Variants in SYN3 observed in about 807,000 individuals in gnomAD.
SYN3 encodes the protein synapsin III, also known as synapsin-3.
SYN3 carries 35 observed loss-of-function variants against 65.8 expected under a neutral mutation model. The observed-to-expected ratio is 0.53, with a 90% CI of 0.41 to 0.70. The LOEUF is 0.70. Ranked by LOEUF, SYN3 falls within the 30% of genes least tolerant of loss-of-function variation. SYN3 has a pLI of 0.00. For synonymous variants in SYN3, 270 were observed against 292.9 expected, an observed-to-expected ratio of 0.92 and a Z score of 0.80; for missense variants, 680 against 749.0, an observed-to-expected ratio of 0.91 and a Z score of 1.08.
At chr22:32,629,144 C>T (rs1450987412) in intron 6 of SYN3, among the ~76,000 whole-genome samples, 1 of 152,194 alleles carries the variant, frequency 6.6e-6, no homozygotes, top group African/African-American at 2.4e-5. Context: ...ATCCATCCCA[C>T]TCAGAAATCG....
rs1052975174 is a variant in SYN3 at position 32,801,900 on chromosome 22, C to T, written c.711+63015G>A. ...GGAGGCCAAGGTTGCCCCGCACGGC[C>T]CGGCGGGCGAGCGAGCTCGGGCTGC... On this transcript the variant is annotated intron_variant, in intron 6 of 13. Transcript: ENST00000358763. The surrounding 1 kb of genome is among the most constrained non-coding windows in gnomAD (Gnocchi z 4.7). The T allele has an allele frequency of 7.2e-7, 1 of 1,386,352 alleles. No individual in the cohort carries two copies. Among genetic ancestry groups the T allele is most frequent in the Admixed American group, 3.3e-5 (1 of 30,548 alleles). The allele number at this position is 1,386,352 out of a possible 1,614,324, so 85.9% of individuals were successfully genotyped here. A position where few individuals can be genotyped will look rare whatever the true frequency, so the allele number is the denominator to read the frequency against.
At chr22:32,834,329 T>TA (rs1601492506) in intron 6 of SYN3, among the ~76,000 whole-genome samples, 2 of 151,208 alleles carry the variant, frequency 1.3e-5, no homozygotes, top group South Asian at 4.2e-4. Flanking sequence ...ATTTATTTTT[T>TA]TTTTTGTATT....
At chr22:32,754,707 A>G (rs773065485) in intron 6 of SYN3, among the ~76,000 whole-genome samples, 33 of 152,184 alleles carry the variant, frequency 2.2e-4, no homozygotes, top group Non-Finnish European at 3.8e-4. Flanking sequence ...AGCATACCAT[A>G]CAGTCCTACA....
At chr22:32,722,834 C>T (rs1309764482) in intron 6 of SYN3, among the ~76,000 whole-genome samples, 1 of 152,202 alleles carries the variant, frequency 6.6e-6, no homozygotes, top group Non-Finnish European at 1.5e-5. Flanking sequence ...CTAGTAAAAG[C>T]AGATCTAGCT....
intron 6 of SYN3, among the ~76,000 whole-genome samples, chr22:32,739,833 C>T (rs749107491): frequency 2.4e-4 from 36 of 152,190 alleles, no homozygotes; most frequent in African/African-American, 7.2e-4. Context: ...TTAGTTTGAG[C>T]CCATGTGTAG....
intron 6 of SYN3, among the ~76,000 whole-genome samples, chr22:32,793,174 G>C (rs1341985064): frequency 2.6e-5 from 4 of 152,212 alleles, no homozygotes; most frequent in African/African-American, 9.7e-5. Flanking sequence ...ACGAGTTGCA[G>C]AGCAGGGAGA....
Position 33,022,288 on chromosome 22 carries a change from A to G in SYN3, c.-162-15464T>C, listed in dbSNP as rs185600836. Among the ~76,000 whole-genome samples the G allele has an allele frequency of 2.6e-5, 4 of 152,362 alleles. No homozygotes were observed. The East Asian group carries it at 7.7e-4, about 29-fold the overall frequency. Reference sequence around the variant, plus strand: ...GAGACAACATAACCTGGGCTTTAGCAATGTATTAATGAGCATAGGCAGTGA... The same window carrying G: ...GAGACAACATAACCTGGGCTTTAGCGATGTATTAATGAGCATAGGCAGTGA... On this transcript the variant is annotated intron_variant, in intron 1 of 13. Coordinates refer to ENST00000358763, the MANE Select transcript of SYN3 (RefSeq NM_003490.4).
Position 33,031,486 on chromosome 22 carries a change from A to C in SYN3, c.-162-24662T>G, listed in dbSNP as rs199997704. Reference sequence around the variant, plus strand: ...GGAGCCAAGCCACCGACATCTCCCCACTGGACAAAGGCAGCTCTCCTTTGG... The same window carrying C: ...GGAGCCAAGCCACCGACATCTCCCCCCTGGACAAAGGCAGCTCTCCTTTGG... On this transcript the variant is annotated intron_variant, in intron 1 of 13. Coordinates refer to ENST00000358763, the MANE Select transcript of SYN3 (RefSeq NM_003490.4). Among the ~76,000 whole-genome samples, 3 of 151,674 alleles carry C rather than the reference A, an allele frequency of 2.0e-5. No homozygotes were observed. In the East Asian group the frequency reaches 5.8e-4, roughly 29 times the overall value.
intron 2 of SYN3, among the ~76,000 whole-genome samples, chr22:32,988,376 T>C (rs567345459): frequency 2.3e-4 from 33 of 145,284 alleles, no homozygotes; most frequent in African/African-American, 8.3e-4. Context: ...AAAAGTACTA[T>C]GAATAAAATG....
rs151254004 is a variant in SYN3, at chr22:32,859,379, C to T, written c.711+5536G>A. 1.4e-4 allele frequency: 223 copies of T among 1,607,822 alleles called. 1 individual carries two copies. The highest frequency in any genetic ancestry group is 1.1e-3 in the African/African-American group (81 of 74,922). ...ATCATCAATGCCACAGACCCCTGAG[C>T]GCCAGACCCTGCCCCACCTCACTTC... is the stretch of plus-strand genomic sequence containing the variant. On this transcript the variant is annotated intron_variant, in intron 6 of 13. Transcript: ENST00000358763.
chr22:32,741,576 C>T (rs186921962), intron 6 of SYN3, among the ~76,000 whole-genome samples: 81 of 151,860 alleles, frequency 5.3e-4, no homozygotes, highest in African/African-American at 1.8e-3. Context: ...AGGATGGTCT[C>T]GATCTCCTGA....
chr22:32,570,411 T>C (rs1420083588), intron 7 of SYN3, among the ~76,000 whole-genome samples: 1 of 152,198 alleles, frequency 6.6e-6, no homozygotes, highest in African/African-American at 2.4e-5. Context: ...TTACCAAAGT[T>C]AAAGGGTCTA....
chr22:32,837,238 C>A lies in SYN3; in HGVS notation c.711+27677G>T, dbSNP rs1023766148. ...GCTTCAAAGGGGCTGTGGTTGAAGACCATGCTGCTATTCTGGTGGCCACTT... is the reference window on the plus strand; with the variant it reads ...GCTTCAAAGGGGCTGTGGTTGAAGAACATGCTGCTATTCTGGTGGCCACTT... On this transcript the variant is annotated intron_variant, in intron 6 of 13. Coordinates refer to ENST00000358763, the MANE Select transcript of SYN3 (RefSeq NM_003490.4). The surrounding 1 kb of genome is among the most constrained non-coding windows in gnomAD (Gnocchi z 4.1). Among the ~76,000 whole-genome samples the A allele has an allele frequency of 2.0e-5, 3 of 152,162 alleles. No individual in the cohort carries two copies. Among genetic ancestry groups the A allele is most frequent in the African/African-American group, 7.2e-5 (3 of 41,426 alleles).
In SYN3 at chr22:32,596,676, T is replaced by C; in HGVS notation, c.772A>G (p.Lys258Glu). ...AGTGGAAGGGCTGTTTCTCATACCT[T>C]TCCCATTCCAGCGTGGGCATGTCCC... ...KLGHAHAGMG[K>E]IKVENQLDFQ... Residue 258 changes from lysine (K) to glutamate (E), a missense_variant and splice_region_variant, in exon 7 of 14, where the codon AAG becomes GAG. By Grantham distance (56) the Lys-to-Glu change is moderately conservative. Coordinates refer to ENST00000358763, the MANE Select transcript of SYN3 (RefSeq NM_003490.4). 6.2e-7 allele frequency: 1 copy of C among 1,613,992 alleles called. No individual in the cohort carries two copies. Among genetic ancestry groups the C allele is most frequent in the Non-Finnish European group, 8.5e-7 (1 of 1,179,960 alleles).
chr22:32,964,145 G>A (rs1229321323), intron 3 of SYN3, among the ~76,000 whole-genome samples: 2 of 152,026 alleles, frequency 1.3e-5, no homozygotes, highest in Admixed American at 1.3e-4. Flanking sequence ...AAGAAAGGAA[G>A]GTTCCAGCAA....
intron 6 of SYN3, among the ~76,000 whole-genome samples, chr22:32,850,468 G>A (rs531327126): frequency 6.6e-6 from 1 of 152,192 alleles, no homozygotes; most frequent in Admixed American, 6.5e-5. Flanking sequence ...ACAGAAGACT[G>A]GGGCTTCACC....
Position 32,543,710 on chromosome 22 carries a change from G to A in SYN3, c.775-1997C>T, listed in dbSNP as rs557857651. Among the ~76,000 whole-genome samples, 4 of 152,210 alleles carry A rather than the reference G, an allele frequency of 2.6e-5. No individual in the cohort carries two copies. In the East Asian group the frequency reaches 5.8e-4, roughly 22 times the overall value. Reference sequence around the variant, plus strand: ...TCCAGTCTGTCGTGCGGGTAGATGTGCCTGAGTCTCCAAGCTCTGGCCGGT... The same window carrying A: ...TCCAGTCTGTCGTGCGGGTAGATGTACCTGAGTCTCCAAGCTCTGGCCGGT... On this transcript the variant is annotated intron_variant, in intron 7 of 13. Transcript: ENST00000358763.
At chr22:33,039,951 T>C (rs910886462) in intron 1 of SYN3, among the ~76,000 whole-genome samples, 22 of 152,088 alleles carry the variant, frequency 1.4e-4, no homozygotes, top group Non-Finnish European at 2.6e-4. Flanking sequence ...AAAAGATATT[T>C]GTGAAACAAA....
chr22:32,912,866 T>C (rs757331869), intron 4 of SYN3, among the ~76,000 whole-genome samples: 5 of 152,216 alleles, frequency 3.3e-5, no homozygotes, highest in Admixed American at 6.5e-5. Flanking sequence ...ACAGGTGGAA[T>C]GCGGGATGTT....
Sources: gnomAD v4.1 joint callset for allele counts (sites outside exome capture counted in the v4.1 genomes callset) on GRCh38, gnomAD v4.1.1 for gene constraint, Gnocchi (gnomAD v3.1) non-coding constraint, MANE v1.5 for transcripts, NCBI Gene and HGNC (gene_info 2026-07-23, HGNC 2026-07-21) for gene names.